ABCB5: variants seen among roughly 807,000 people sequenced by gnomAD.
ABCB5 encodes the protein ATP binding cassette subfamily B member 5.
Under a neutral mutation model 144.2 loss-of-function variants are expected in ABCB5, and 155 were observed. The observed-to-expected ratio is 1.08, with a 90% confidence interval of 0.94 to 1.23. ABCB5 has a LOEUF of 1.23. Among genes scored for constraint, ABCB5 ranks in the 50% most tolerant of loss-of-function variants. ABCB5 has a pLI of 0.00. For missense variants in ABCB5, 1,830 were observed against 1,520.8 expected (o/e 1.20, Z -3.38); for synonymous variants, 610 against 528.6 (o/e 1.15, Z -2.11).
chr7:20,627,202 C>A (rs143073276), intron 3 of ABCB5, among the ~76,000 whole-genome samples: 24 of 152,014 alleles, frequency 1.6e-4, no homozygotes, highest in African/African-American at 5.8e-4. Context: ...AATGTTATGT[C>A]CCTACAAATA....
chr7:20,645,932 G>T (rs1391480841), intron 8 of ABCB5, 29 bp from the exon 9 acceptor site: 2 of 1,612,146 alleles, frequency 1.2e-6, no homozygotes, highest in Non-Finnish European at 1.7e-6. Context: ...TTCCCCAGTG[G>T]CTACTAAGTT....
At chr7:20,681,262 G>T (rs1785819760) in intron 14 of ABCB5, among the ~76,000 whole-genome samples, 1 of 151,816 alleles carries the variant, frequency 6.6e-6, no homozygotes, top group Non-Finnish European at 1.5e-5. Flanking sequence ...AAGTAGCTAG[G>T]ATTCCAGGTG....
At chr7:20,752,703 C>T (rs1718142400) in intron 26 of ABCB5, among the ~76,000 whole-genome samples, 1 of 152,110 alleles carries the variant, frequency 6.6e-6, no homozygotes, top group Non-Finnish European at 1.5e-5. Context: ...AAAAATTAGC[C>T]AGGCATGGTG....
At chr7:20,671,673 T>C (rs1384571203) in intron 14 of ABCB5, among the ~76,000 whole-genome samples, 1 of 152,256 alleles carries the variant, frequency 6.6e-6, no homozygotes, top group Non-Finnish European at 1.5e-5. Context: ...TATTGATAAA[T>C]GGTATTCTAC....
chr7:20,683,365 A>G (rs1785887814), intron 15 of ABCB5, among the ~76,000 whole-genome samples: 1 of 152,218 alleles, frequency 6.6e-6, no homozygotes, highest in Non-Finnish European at 1.5e-5. Context: ...TTTTTATTCC[A>G]CAGTAGACCT....
chr7:20,693,886 A>C (rs1193691315), intron 16 of ABCB5, among the ~76,000 whole-genome samples: 1 of 151,876 alleles, frequency 6.6e-6, no homozygotes, highest in African/African-American at 2.4e-5. Flanking sequence ...ATGCAAACAA[A>C]TCCTACAACT....
At chr7:20,669,077 C>G in intron 14 of ABCB5, among the ~76,000 whole-genome samples, 1 of 150,934 alleles carries the variant, frequency 6.6e-6, no homozygotes, top group African/African-American at 2.4e-5. Context: ...TCTGCCTGGC[C>G]AGCCGCCCCG....
intron 13 of ABCB5, 136 bp downstream of exon 13, chr7:20,651,759 G>A (rs1784602853): frequency 2.3e-6 from 2 of 869,760 alleles, no homozygotes; most frequent in South Asian, 1.8e-5. Context: ...GAACAAGCTT[G>A]TCCAACCAGT....
intron 24 of ABCB5, among the ~76,000 whole-genome samples, chr7:20,742,644 A>G (rs1249009869): frequency 3.9e-5 from 6 of 152,250 alleles, no homozygotes; most frequent in African/African-American, 7.2e-5. Flanking sequence ...TGGTTTTTAG[A>G]AACTCAGTGA....
Position 20,738,984 on chromosome 7 carries a change from G to C in ABCB5, c.2869G>C (p.Val957Leu). The part of the protein sequence containing the change: ...GRMTPEGMFI[V>L]FTAIAYGAMA... ...TTCAAATGCTTTATCTTTTGATAGA[G>C]TTTTTACTGCAATTGCATATGGAGC... The change falls in exon 24 of 28, where the codon GTT (valine) becomes CTT (leucine). Residue 957 changes from valine (V) to leucine (L), a missense_variant and splice_region_variant. By Grantham distance (32) the Val-to-Leu change is conservative. Transcript: ENST00000404938. 6.3e-7 allele frequency: 1 copy of C among 1,594,220 alleles called. No homozygotes were observed. The highest frequency in any genetic ancestry group is 8.5e-7 in the Non-Finnish European group (1 of 1,171,126).
At chr7:20,711,466 CTTT>C (rs145446888) in intron 20 of ABCB5, among the ~76,000 whole-genome samples, 2 of 135,576 alleles carry the variant, frequency 1.5e-5, no homozygotes. Context: ...TTCTTTCTTT[CTTT>C]TTTTTTTTTT....
intron 14 of ABCB5, among the ~76,000 whole-genome samples, chr7:20,670,397 A>T (rs1280486575): frequency 1.3e-5 from 2 of 151,046 alleles, no homozygotes; most frequent in Non-Finnish European, 1.5e-5. Context: ...GAAAAAAAAA[A>T]GGTTGACGTT....
rs1783838240 is a variant in ABCB5, at chr7:20,623,242, C to T, written c.-21-23C>T. The T allele has an allele frequency of 6.0e-6, 8 of 1,328,762 alleles. No individual in the cohort carries two copies. The East Asian group carries it at 1.3e-4, about 21-fold the overall frequency. The allele number at this position is 1,328,762 out of a possible 1,614,324, so 82.3% of individuals were successfully genotyped here. A position where few individuals can be genotyped will look rare whatever the true frequency, so the allele number is the denominator to read the frequency against. On this transcript the variant is annotated intron_variant, in intron 1 of 27. Coordinates refer to ENST00000404938, the MANE Select transcript of ABCB5 (RefSeq NM_001163941.2). ...TGATAAAAGTCACATAGCCATAATA[C>T]ATTTGTTAAAATTGTATTTCAGAAG...
intron 20 of ABCB5, among the ~76,000 whole-genome samples, chr7:20,719,224 T>C (rs1403004605): frequency 1.3e-5 from 2 of 152,076 alleles, no homozygotes; most frequent in African/African-American, 4.8e-5. Flanking sequence ...TCCAGGTAAA[T>C]AGGGGCCCTC....
chr7:20,713,502 C>A (rs997489889), intron 20 of ABCB5, among the ~76,000 whole-genome samples: 5 of 149,752 alleles, frequency 3.3e-5, no homozygotes, highest in Non-Finnish European at 5.9e-5. Flanking sequence ...TCCCAAAGTG[C>A]TGGGATTACA....
intron 14 of ABCB5, among the ~76,000 whole-genome samples, chr7:20,668,629 G>A (rs1455254222): frequency 1.5e-4 from 21 of 144,544 alleles, no homozygotes; most frequent in East Asian, 4.5e-4. Context: ...CAGCCGCCCC[G>A]TCCGGGAGGT....
chr7:20,640,767 A>C (rs1350069266), intron 5 of ABCB5, among the ~76,000 whole-genome samples: 1 of 152,186 alleles, frequency 6.6e-6, no homozygotes, highest in Non-Finnish European at 1.5e-5. Flanking sequence ...TTTAGCAAGG[A>C]AGCAGATTTG....
At chr7:20,637,981 C>T (rs1362631391) in intron 5 of ABCB5, among the ~76,000 whole-genome samples, 1 of 152,132 alleles carries the variant, frequency 6.6e-6, no homozygotes, top group Non-Finnish European at 1.5e-5. Flanking sequence ...TCTGGGGCTG[C>T]TGAAATTCTT....
At chr7:20,731,598 G>C (rs1782224205) in intron 23 of ABCB5, among the ~76,000 whole-genome samples, 1 of 151,946 alleles carries the variant, frequency 6.6e-6, no homozygotes, top group African/African-American at 2.4e-5. Flanking sequence ...TTACTTAGGA[G>C]ACACCTCCAC....
Sources: gnomAD v4.1 joint callset for allele counts (sites outside exome capture counted in the v4.1 genomes callset) on GRCh38, gnomAD v4.1.1 for gene constraint, MANE v1.5 for transcripts, NCBI Gene and HGNC (gene_info 2026-07-23, HGNC 2026-07-21) for gene names.